Variants in TFAP2A observed in about 807,000 individuals in gnomAD.
TFAP2A encodes transcription factor AP-2-alpha.
In TFAP2A, 7 loss-of-function variants were observed where a neutral mutation model predicts 41.5. The ratio of observed to expected loss-of-function variants is 0.17; its 90% CI spans 0.10 to 0.32. The LOEUF (loss-of-function observed/expected upper bound fraction) is 0.32, where lower values mean the gene tolerates loss of function less well. TFAP2A is among the 10% of genes least tolerant of loss of function. The pLI is 1.00. For synonymous variants in TFAP2A, 247 were observed against 242.8 expected (o/e 1.02, Z -0.16); for missense variants, 416 against 563.3 (o/e 0.74, Z 2.65).
rs143258135 is a variant in TFAP2A, at chr6:10,410,322, C to T, written c.65G>A (p.Gly22Asp). The change falls in exon 2 of 7, where the codon GGC becomes GAC. Residue 22 changes from glycine to aspartate, a missense_variant. Physicochemically the swap from Gly to Asp is moderately conservative, Grantham distance 94. Around this residue, in one of 3 missense-constraint regions of TFAP2A, gnomAD observed 241 missense variants for 274.1 expected, o/e 0.88. Transcript: ENST00000379613. The part of the protein sequence containing the change: ...KYEDCEDRHD[G>D]TSNGTARLPQ... ...CAACCGTGCCGTCCCGTTGCTGGTG[C>T]CGTCGTGACGGTCCTAGAAGAGAGC... The T allele has an allele frequency of 1.9e-6, 3 of 1,611,474 alleles. No individual in the cohort carries two copies. The highest frequency in any genetic ancestry group is 2.5e-6 in the Non-Finnish European group (3 of 1,179,292).
At chr6:10,409,423 C>T (rs1245103593) in intron 2 of TFAP2A, 1 of 182,538 alleles carries the variant, frequency 5.5e-6, no homozygotes, top group African/African-American at 2.4e-5. Context: ...TTAGGTTTCA[C>T]TTGTGCTTAT....
At chr6:10,418,782 G>A (rs543591954), upstream of TFAP2A, 22 of 153,266 alleles carry the variant, frequency 1.4e-4, no homozygotes, top group African/African-American at 5.1e-4. Context: ...CGTAGCCCAG[G>A]CGGCAAAAAC....
Position 10,404,549 on chromosome 6 carries a change from G to T in TFAP2A, c.729C>A (p.Pro243=), listed in dbSNP as rs140905560. 10 of 1,613,566 alleles carry T rather than the reference G, an allele frequency of 6.2e-6. No homozygotes were observed. The East Asian group carries it at 6.7e-5, about 11-fold the overall frequency. ...VAEVQRRLSP[P]ECLNASLLGG... ...CCAGCAGCGACGCGTTGAGACACTC[G>T]GGTGGTGAGAGCCGCCGCTGCACTT... Residue 243 remains proline (P), a synonymous_variant, in exon 4 of 7, where the codon CCC becomes CCA. Coordinates refer to ENST00000379613, the MANE Select transcript of TFAP2A (RefSeq NM_001372066.1).
intron 1 of TFAP2A, among the ~76,000 whole-genome samples, chr6:10,413,159 C>T (rs2113220726): frequency 6.6e-6 from 1 of 152,356 alleles, no homozygotes; most frequent in African/African-American, 2.4e-5. Context: ...CCTACAGAGC[C>T]CCGGCACAAT....
Position 10,398,124 on chromosome 6 carries a change from G to C in TFAP2A, c.*293C>G. ...CACAAACTTGGCAGAACTTTTCTCT[G>C]CTGGCTTCACGGCCTGTTCTGTTCT... On this transcript the variant is annotated 3_prime_UTR_variant, in exon 7 of 7. Coordinates refer to ENST00000379613, the MANE Select transcript of TFAP2A (RefSeq NM_001372066.1). This position sits in a 1 kb window ranked among gnomAD's most constrained non-coding sequence, Gnocchi z 5.3. 3 of 1,307,114 alleles carry C rather than the reference G, an allele frequency of 2.3e-6. No homozygotes were observed. The South Asian group carries it at 6.6e-5, about 29-fold the overall frequency. 81.0% of individuals were successfully genotyped at this position (1,307,114 alleles called of 1,614,324 possible).
At chr6:10,399,964 G>A (rs1399970387) in intron 6 of TFAP2A, among the ~76,000 whole-genome samples, 2 of 151,980 alleles carry the variant, frequency 1.3e-5, no homozygotes, top group Non-Finnish European at 2.9e-5. Flanking sequence ...AGAAGGGGTT[G>A]TGAAAGGAAG....
At chr6:10,401,870 T>C (rs1170161190) in intron 5 of TFAP2A, among the ~76,000 whole-genome samples, 1 of 152,216 alleles carries the variant, frequency 6.6e-6, no homozygotes, top group South Asian at 2.1e-4. Context: ...GCTTTTTGTT[T>C]TGAGGCATTT....
Position 10,409,973 on chromosome 6 carries a change from G to C in TFAP2A, c.414C>G (p.Gly138=). The C allele has an allele frequency of 6.3e-7, 1 of 1,588,392 alleles. No individual in the cohort carries two copies. The highest frequency in any genetic ancestry group is 8.6e-7 in the Non-Finnish European group (1 of 1,167,272). ...CGAGTCCTGAGCTGAGCGCGTGTGGGCCGTGCAGGAGGTCCTCGTGCCGCC... is the reference window on the plus strand; with the variant it reads ...CGAGTCCTGAGCTGAGCGCGTGTGGCCCGTGCAGGAGGTCCTCGTGCCGCC... ...DYRRHEDLLH[G]PHALSSGLGD... The change falls in exon 2 of 7, where the codon GGC becomes GGG. Residue 138 remains glycine (G), a synonymous_variant. Transcript: ENST00000379613.
At chr6:10,419,412 C>A, upstream of TFAP2A, 1 of 1,614,118 alleles carries the variant, frequency 6.2e-7, no homozygotes, top group Non-Finnish European at 8.5e-7. Flanking sequence ...GGCAAACCCC[C>A]CGTACCTGCC....
intron 3 of TFAP2A, chr6:10,405,573 C>CA (rs1256928641): frequency 6.9e-6 from 1 of 144,164 alleles, no homozygotes; most frequent in African/African-American, 2.8e-5. Context: ...TTGCTGGACT[C>CA]ACCACTGTTA....
chr6:10,401,179 A>G lies in TFAP2A; in HGVS notation c.890-590T>C, dbSNP rs544724911. ...CTCCGGAAGAACGCATGCGCCAATT[A>G]GAGCATCAAAGCCCTCTCCGCAGAG... On this transcript the variant is annotated intron_variant, in intron 5 of 6. Coordinates refer to ENST00000379613, the MANE Select transcript of TFAP2A (RefSeq NM_001372066.1). 3.3e-5 allele frequency among the ~76,000 whole-genome samples: 5 copies of G among 152,350 alleles called. No individual in the cohort carries two copies. The East Asian group carries it at 9.6e-4, about 29-fold the overall frequency.
chr6:10,400,423 G>A (rs376259619), intron 6 of TFAP2A, 25 bp downstream of exon 6: 16 of 1,614,060 alleles, frequency 9.9e-6, no homozygotes, highest in Non-Finnish European at 1.3e-5. Context: ...GAGACACAGA[G>A]ACCCCATAGA....
At chr6:10,413,385 A>G (rs1758087109) in intron 1 of TFAP2A, among the ~76,000 whole-genome samples, 1 of 152,172 alleles carries the variant, frequency 6.6e-6, no homozygotes, top group African/African-American at 2.4e-5. Flanking sequence ...GTCGGCACCT[A>G]GAGCCGCACG....
At chr6:10,414,839 C>G in intron 1 of TFAP2A, 102 bp downstream of exon 1, 2 of 1,516,168 alleles carry the variant, frequency 1.3e-6, no homozygotes, top group Non-Finnish European at 1.8e-6. Flanking sequence ...AAAGTTTGTC[C>G]CACCCGCGTT....
chr6:10,414,272 T>C (rs1758144693), intron 1 of TFAP2A, among the ~76,000 whole-genome samples: 2 of 152,166 alleles, frequency 1.3e-5, no homozygotes, highest in East Asian at 1.9e-4. Flanking sequence ...GTCGATCCTG[T>C]AGCTCAGAGG....
chr6:10,406,111 A>C (rs1757704491), intron 3 of TFAP2A: 1 of 152,290 alleles, frequency 6.6e-6, no homozygotes, highest in Non-Finnish European at 1.5e-5. Context: ...ATAACCAAAA[A>C]AAAAGCTGCT....
intron 1 of TFAP2A, among the ~76,000 whole-genome samples, chr6:10,414,210 G>A (rs1219591494): frequency 6.6e-6 from 1 of 152,240 alleles, no homozygotes; most frequent in South Asian, 2.1e-4. Context: ...CGGCCAGCAG[G>A]CTCGGCGCAG....
At chr6:10,408,116 T>C (rs1757796074) in intron 2 of TFAP2A, among the ~76,000 whole-genome samples, 1 of 152,266 alleles carries the variant, frequency 6.6e-6, no homozygotes, top group Non-Finnish European at 1.5e-5. Context: ...AATGATTAAA[T>C]AATTTTCACC....
At chr6:10,409,780 G>A (rs1207818760) in intron 2 of TFAP2A, 121 bp downstream of exon 2, 4 of 1,247,330 alleles carry the variant, frequency 3.2e-6, no homozygotes, top group Non-Finnish European at 4.5e-6. Context: ...CGAATAAAAT[G>A]TTTTTATAAG....
Sources: gnomAD v4.1 joint callset for allele counts (sites outside exome capture counted in the v4.1 genomes callset) on GRCh38, gnomAD v4.1.1 for gene constraint, gnomAD v4.1.1 regional missense constraint, Gnocchi (gnomAD v3.1) non-coding constraint, MANE v1.5 for transcripts, NCBI Gene and HGNC (gene_info 2026-07-23, HGNC 2026-07-21) for gene names.